The following SGCZ variants were observed in gnomAD, a reference collection of about 807,000 sequenced individuals.
The protein encoded by SGCZ is sarcoglycan zeta.
Under a neutral mutation model 41.3 loss-of-function variants are expected in SGCZ, and 40 were observed. That is an observed-to-expected ratio of 0.97 (90% CI 0.75 to 1.26). The LOEUF is 1.26. SGCZ is among the 50% of genes most tolerant of loss of function. The probability of loss-of-function intolerance (pLI) is 0.00; values close to 1 mark genes in which losing one functional copy is unlikely to be tolerated. For missense variants in SGCZ, 552 were observed against 369.8 expected, an observed-to-expected ratio of 1.49 and a Z score of -4.04; for synonymous variants, 206 against 137.5, an observed-to-expected ratio of 1.50 and a Z score of -3.49.
intron 3 of SGCZ, among the ~76,000 whole-genome samples, chr8:14,251,821 T>C (rs1307001231): frequency 6.6e-6 from 1 of 152,172 alleles, no homozygotes; most frequent in Non-Finnish European, 1.5e-5. Context: ...GTTCAAGTGG[T>C]TCTCCTGCCT....
chr8:14,419,663 T>C (rs950584750), intron 2 of SGCZ, among the ~76,000 whole-genome samples: 3 of 152,010 alleles, frequency 2.0e-5, no homozygotes, highest in African/African-American at 7.2e-5. Context: ...GAAAACAAAC[T>C]CCCAATCATT....
At chr8:14,202,093 T>G (rs1317171812) in intron 4 of SGCZ, among the ~76,000 whole-genome samples, 2 of 152,076 alleles carry the variant, frequency 1.3e-5, no homozygotes, top group East Asian at 1.9e-4. Context: ...CGCCTGACCT[T>G]AAAATAGGGA....
intron 3 of SGCZ, among the ~76,000 whole-genome samples, chr8:14,262,653 T>A (rs1359142465): frequency 6.6e-6 from 1 of 151,836 alleles, no homozygotes; most frequent in African/African-American, 2.4e-5. Flanking sequence ...TTTAGACTTT[T>A]CTCTTTTATT....
intron 1 of SGCZ, among the ~76,000 whole-genome samples, chr8:14,604,462 C>A (rs1313128889): frequency 6.6e-6 from 1 of 151,968 alleles, no homozygotes; most frequent in African/African-American, 2.4e-5. Flanking sequence ...AATATGTATT[C>A]ATTTTAATTA....
chr8:15,021,927 T>C (rs55726353), intron 1 of SGCZ, among the ~76,000 whole-genome samples: 6,925 of 152,320 alleles, frequency 0.045, 212 homozygotes, highest in Middle Eastern at 0.15. Context: ...GTTCACACTA[T>C]AACTTTTCTA....
At chr8:14,775,286 G>C (rs1246649572) in intron 1 of SGCZ, among the ~76,000 whole-genome samples, 1 of 151,926 alleles carries the variant, frequency 6.6e-6, no homozygotes, top group East Asian at 1.9e-4. Flanking sequence ...AAACCATTCA[G>C]TAATCAGCTT....
chr8:14,739,077 A>G (rs2244009), intron 1 of SGCZ, among the ~76,000 whole-genome samples: 70,562 of 151,884 alleles, frequency 0.46, 17,039 homozygotes, highest in Non-Finnish European at 0.54. Context: ...CCCTGAAAAC[A>G]TTTAATACCT....
At chr8:14,744,659 C>T (rs1799292322) in intron 1 of SGCZ, among the ~76,000 whole-genome samples, 1 of 152,026 alleles carries the variant, frequency 6.6e-6, no homozygotes, top group African/African-American at 2.4e-5. Context: ...GAACTACTGG[C>T]TCAGAGAAAG....
chr8:14,974,375 A>G (rs1801396688), intron 1 of SGCZ, among the ~76,000 whole-genome samples: 1 of 152,244 alleles, frequency 6.6e-6, no homozygotes, highest in Non-Finnish European at 1.5e-5. Flanking sequence ...AGAATCACAT[A>G]GAACATACAA....
intron 1 of SGCZ, among the ~76,000 whole-genome samples, chr8:15,110,837 ATG>A (rs1807021878): frequency 2.0e-5 from 3 of 152,122 alleles, no homozygotes; most frequent in Admixed American, 2.0e-4. Context: ...GCATAGTGGC[ATG>A]CACCTGTAAT....
intron 2 of SGCZ, among the ~76,000 whole-genome samples, chr8:14,352,685 A>C (rs1307761150): frequency 6.6e-6 from 1 of 152,018 alleles, no homozygotes; most frequent in Non-Finnish European, 1.5e-5. Context: ...AAAACCCTAG[A>C]AACTTTCTTT....
chr8:14,640,485 G>C (rs1806984658), intron 1 of SGCZ, among the ~76,000 whole-genome samples: 1 of 151,626 alleles, frequency 6.6e-6, no homozygotes, highest in African/African-American at 2.4e-5. Context: ...CTGGAATTAA[G>C]ATTTTCCTCT....
At chr8:15,147,892 A>T (rs2117011371) in intron 1 of SGCZ, among the ~76,000 whole-genome samples, 1 of 152,328 alleles carries the variant, frequency 6.6e-6, no homozygotes, top group South Asian at 2.1e-4. Flanking sequence ...GACAAACCAT[A>T]TAAAAGGTAC....
chr8:14,591,718 T>C (rs1011197738), intron 1 of SGCZ, among the ~76,000 whole-genome samples: 4 of 152,158 alleles, frequency 2.6e-5, no homozygotes, highest in Non-Finnish European at 5.9e-5. Flanking sequence ...GCTTCCTGCA[T>C]AATTTTAATG....
intron 1 of SGCZ, among the ~76,000 whole-genome samples, chr8:14,693,774 T>G (rs867730881): frequency 2.1e-4 from 32 of 151,754 alleles, no homozygotes; most frequent in African/African-American, 7.5e-4. Flanking sequence ...GTATTTTTAG[T>G]AGGGATGGGG....
chr8:14,155,875 A>G (rs368090573), intron 5 of SGCZ, among the ~76,000 whole-genome samples: 1 of 152,194 alleles, frequency 6.6e-6, no homozygotes, highest in Non-Finnish European at 1.5e-5. Context: ...GGTATAGCCT[A>G]CTGCTCCTAA....
intron 1 of SGCZ, among the ~76,000 whole-genome samples, chr8:15,103,992 A>G (rs1806717454): frequency 6.6e-6 from 1 of 152,214 alleles, no homozygotes; most frequent in African/African-American, 2.4e-5. Flanking sequence ...TACGCTGGAT[A>G]AGGGATAACA....
At chr8:14,595,489 G>T (rs1805382170) in intron 1 of SGCZ, among the ~76,000 whole-genome samples, 1 of 149,834 alleles carries the variant, frequency 6.7e-6, no homozygotes, top group South Asian at 2.1e-4. Context: ...GGATTCATAG[G>T]CAGAACTATA....
chr8:14,093,319 T>C (rs1801745200), intron 7 of SGCZ, among the ~76,000 whole-genome samples: 1 of 152,046 alleles, frequency 6.6e-6, no homozygotes, highest in South Asian at 2.1e-4. Context: ...GAGTGAACTT[T>C]TAAGAAACGC....
Sources: gnomAD v4.1 joint callset for allele counts (sites outside exome capture counted in the v4.1 genomes callset) on GRCh38, gnomAD v4.1.1 for gene constraint, MANE v1.5 for transcripts, NCBI Gene and HGNC (gene_info 2026-07-23, HGNC 2026-07-21) for gene names.